The following PCDHGA10 variants were observed in gnomAD, a reference collection of about 807,000 sequenced individuals.
The protein encoded by PCDHGA10 is protocadherin gamma-A10.
A neutral mutation model predicts 59.5 loss-of-function variants in PCDHGA10; 42 were observed. The ratio of observed to expected loss-of-function variants is 0.71; its 90% confidence interval spans 0.55 to 0.91. The LOEUF (loss-of-function observed/expected upper bound fraction) is 0.91. Ranked by LOEUF, PCDHGA10 falls within the 40% of genes least tolerant of loss-of-function variation. The pLI is 0.00. For synonymous variants in PCDHGA10, 511 were observed against 517.2 expected (o/e 0.99, Z 0.16); for missense variants, 1,111 against 1,198.2 (o/e 0.93, Z 1.07).
At chr5:141,422,394 C>T (rs898242724) in intron 1 of PCDHGA10, 1 of 1,595,520 alleles carries the variant, frequency 6.3e-7, no homozygotes, top group Non-Finnish European at 8.5e-7. Context: ...TTATTCCTAA[C>T]CACCTGCCTT....
Position 141,503,989 on chromosome 5 carries a change from C to T in PCDHGA10, c.2496-1404C>T, listed in dbSNP as rs534696225. Among the ~76,000 whole-genome samples the T allele has an allele frequency of 2.6e-5, 4 of 152,312 alleles. No individual in the cohort carries two copies. The South Asian group carries it at 8.3e-4, about 32-fold the overall frequency. On this transcript the variant is annotated intron_variant, in intron 2 of 3. Transcript: ENST00000398610. ...CATGGTGCCAAACCCTTCTTCTTAC[C>T]TTACAGTCACTTAACTGTCTCTGCT...
In PCDHGA10 at chr5:141,476,714, C is replaced by G. The variant is rs146188020; in HGVS notation, c.2437-18093C>G. 3.1e-6 allele frequency: 5 copies of G among 1,614,036 alleles called. No individual in the cohort carries two copies. Among genetic ancestry groups the G allele is most frequent in the African/African-American group, 2.7e-5 (2 of 74,938 alleles). ...CAAGTACGCGGAGCTGGTGTTGGAGCGCGCCCTGGACCGAGAACGGGAGCC... is the reference window on the plus strand; with the variant it reads ...CAAGTACGCGGAGCTGGTGTTGGAGGGCGCCCTGGACCGAGAACGGGAGCC... On this transcript the variant is annotated intron_variant, in intron 1 of 3. Transcript: ENST00000398610. This position sits in a 1 kb window ranked among gnomAD's most constrained non-coding sequence, Gnocchi z 7.6.
chr5:141,431,648 A>G lies in PCDHGA10; in HGVS notation c.2436+16037A>G. 2 of 1,614,240 alleles carry G rather than the reference A, an allele frequency of 1.2e-6. No individual in the cohort carries two copies. The highest frequency in any genetic ancestry group is 1.7e-6 in the Non-Finnish European group (2 of 1,180,046). On this transcript the variant is annotated intron_variant, in intron 1 of 3. Transcript: ENST00000398610. The surrounding 1 kb of genome is among the most constrained non-coding windows in gnomAD (Gnocchi z 4.8). ...GGCCCAAGTTTTCAAACTAGATTGT[A>G]ATTCAGGGACAATATCAACAATAGG...
intron 1 of PCDHGA10, among the ~76,000 whole-genome samples, chr5:141,462,819 A>G (rs1182498111): frequency 6.6e-6 from 1 of 152,210 alleles, no homozygotes; most frequent in East Asian, 1.9e-4. Context: ...TTTATTGGAC[A>G]GCAGACATTG....
chr5:141,477,560 T>C lies in PCDHGA10; in HGVS notation c.2437-17247T>C, dbSNP rs2099412994. The C allele has an allele frequency of 1.2e-6, 2 of 1,614,078 alleles. No homozygotes were observed. Among genetic ancestry groups the C allele is most frequent in the South Asian group, 2.2e-5 (2 of 91,094 alleles). ...GGCTCCAATACTAAACCTAAGTGTC[T>C]GGGACCCCGACGCCCCGCAGAATGC... On this transcript the variant is annotated intron_variant, in intron 1 of 3. Transcript: ENST00000398610. This position sits in a 1 kb window ranked among gnomAD's most constrained non-coding sequence, Gnocchi z 4.9.
At chr5:141,423,620 C>A in intron 1 of PCDHGA10, 1 of 1,608,268 alleles carries the variant, frequency 6.2e-7, no homozygotes, top group Non-Finnish European at 8.5e-7. Flanking sequence ...GCTGAAGACT[C>A]AGCTATCATT....
chr5:141,508,540 G>A (rs993826709), intron 3 of PCDHGA10, among the ~76,000 whole-genome samples: 3 of 152,144 alleles, frequency 2.0e-5, no homozygotes, highest in African/African-American at 4.8e-5. Flanking sequence ...CCCCCCACGA[G>A]GTGGGCGGGG....
At position 141,477,386 on chromosome 5, in the gene PCDHGA10, A is replaced by C; in HGVS notation, c.2437-17421A>C. 1 of 1,614,116 alleles carries C rather than the reference A, an allele frequency of 6.2e-7. No homozygotes were observed. Among genetic ancestry groups the C allele is most frequent in the South Asian group, 1.1e-5 (1 of 91,080 alleles). On this transcript the variant is annotated intron_variant, in intron 1 of 3. Coordinates refer to ENST00000398610, the MANE Select transcript of PCDHGA10 (RefSeq NM_018913.3). The surrounding 1 kb of genome is among the most constrained non-coding windows in gnomAD (Gnocchi z 4.9). ...GGATCGGGAGACTGTGCCAGAATAC[A>C]ACCTCAGCATCACCGCCCGAGACGC...
chr5:141,511,728 A>C lies in PCDHGA10; in HGVS notation c.*555A>C, dbSNP rs904031366. 2.2e-5 allele frequency: 4 copies of C among 177,940 alleles called. No homozygotes were observed. The highest frequency in any genetic ancestry group is 7.0e-5 in the African/African-American group (3 of 42,626). 11.0% of individuals were successfully genotyped at this position (177,940 alleles called of 1,614,324 possible). ...TCACCTCCTTCCAGAGCCCAAGATC[A>C]ATGCTCAAGTTTTGGAGGACATGAT... On this transcript the variant is annotated 3_prime_UTR_variant, in exon 4 of 4. Coordinates refer to ENST00000398610, the MANE Select transcript of PCDHGA10 (RefSeq NM_018913.3).
intron 1 of PCDHGA10, among the ~76,000 whole-genome samples, chr5:141,481,008 A>G (rs2099529606): frequency 6.6e-6 from 1 of 152,224 alleles, no homozygotes; most frequent in Non-Finnish European, 1.5e-5. Context: ...CAGTGAGCCC[A>G]GATCACACCA....
At chr5:141,448,542 T>G (rs2098594694) in intron 1 of PCDHGA10, among the ~76,000 whole-genome samples, 1 of 152,210 alleles carries the variant, frequency 6.6e-6, no homozygotes, top group Non-Finnish European at 1.5e-5. Flanking sequence ...GCATTTCTTA[T>G]GCAAATATGT....
At position 141,421,262 on chromosome 5, in the gene PCDHGA10, G is replaced by GGCT. The variant is rs748368476; in HGVS notation, c.2436+5665_2436+5667dup. 2.6e-5 allele frequency: 42 copies of GGCT among 1,609,594 alleles called. No homozygotes were observed. The Admixed American group carries it at 3.2e-4, about 12-fold the overall frequency. On this transcript the variant is annotated intron_variant, in intron 1 of 3. Coordinates refer to ENST00000398610, the MANE Select transcript of PCDHGA10 (RefSeq NM_018913.3). ...CGGCTACAGCGCGGGGACCGCAGTC[G>GGCT]GCTGCTGCTGCTGCTGTGCATTTTC...
chr5:141,487,684 C>G lies in PCDHGA10; in HGVS notation c.2437-7123C>G. On this transcript the variant is annotated intron_variant, in intron 1 of 3. Coordinates refer to ENST00000398610, the MANE Select transcript of PCDHGA10 (RefSeq NM_018913.3). The surrounding 1 kb of genome is among the most constrained non-coding windows in gnomAD (Gnocchi z 5.0). ...ATCCAGGCATATGGCTAGGCCATGT[C>G]CTAGAGAGTACTGGCCTCTCAGTAA... is the stretch of plus-strand genomic sequence containing the variant. The G allele has an allele frequency of 6.2e-7, 1 of 1,607,562 alleles. No individual in the cohort carries two copies. Among genetic ancestry groups the G allele is most frequent in the East Asian group, 2.2e-5 (1 of 44,768 alleles).
In PCDHGA10 at chr5:141,476,476, C is replaced by T; in HGVS notation, c.2437-18331C>T. 6.2e-7 allele frequency: 1 copy of T among 1,613,986 alleles called. No homozygotes were observed. The highest frequency in any genetic ancestry group is 8.5e-7 in the Non-Finnish European group (1 of 1,179,992). On this transcript the variant is annotated intron_variant, in intron 1 of 3. Transcript: ENST00000398610. The surrounding 1 kb of genome is among the most constrained non-coding windows in gnomAD (Gnocchi z 7.6). Reference sequence around the variant, plus strand: ...TGGAGAACCCGCTGGAGCTGTTCAGCGTGGAAGTGGTGATCCAGGACATCA... The same window carrying T: ...TGGAGAACCCGCTGGAGCTGTTCAGTGTGGAAGTGGTGATCCAGGACATCA...
chr5:141,432,053 C>T lies in PCDHGA10; in HGVS notation c.2436+16442C>T. The T allele has an allele frequency of 6.2e-7, 1 of 1,614,240 alleles. No homozygotes were observed. Among genetic ancestry groups the T allele is most frequent in the South Asian group, 1.1e-5 (1 of 91,082 alleles). ...CGCCACTGACCGGGGAACCCCGCCC[C>T]TATCCACGGAAACTCATATCTCGCT... On this transcript the variant is annotated intron_variant, in intron 1 of 3. Transcript: ENST00000398610. The surrounding 1 kb of genome is among the most constrained non-coding windows in gnomAD (Gnocchi z 6.0).
intron 1 of PCDHGA10, among the ~76,000 whole-genome samples, chr5:141,456,023 G>A (rs937523861): frequency 1.3e-5 from 2 of 151,586 alleles, no homozygotes; most frequent in South Asian, 2.1e-4. Context: ...TCAGCCTCCC[G>A]AGTAGCTGGG....
intron 1 of PCDHGA10, among the ~76,000 whole-genome samples, chr5:141,454,859 G>A (rs2098805080): frequency 7.9e-6 from 1 of 126,982 alleles, no homozygotes; most frequent in African/African-American, 3.1e-5. Flanking sequence ...CCAGGCTGGA[G>A]TGCAGTGGCA....
At chr5:141,478,644 T>G in intron 1 of PCDHGA10, 1 of 1,552,238 alleles carries the variant, frequency 6.4e-7, no homozygotes, top group South Asian at 1.2e-5. Context: ...GATGAAGATG[T>G]TTTCCTGGTG....
At chr5:141,440,841 A>G (rs1361003883) in intron 1 of PCDHGA10, 5 of 152,114 alleles carry the variant, frequency 3.3e-5, no homozygotes, top group Admixed American at 1.3e-4. Flanking sequence ...GTTGAAGCCA[A>G]TGACAACCCT....
Sources: allele counts gnomAD v4.1 joint callset (sites outside exome capture counted in the v4.1 genomes callset), GRCh38; gene constraint gnomAD v4.1.1; non-coding constraint Gnocchi (gnomAD v3.1); transcripts MANE v1.5; gene names NCBI Gene and HGNC (gene_info 2026-07-23, HGNC 2026-07-21).